Variants in EXOC6B observed in about 807,000 individuals in gnomAD.
The protein encoded by EXOC6B is SEC15 homolog B.
In EXOC6B, 54 loss-of-function variants were observed where a neutral mutation model predicts 113.5. The ratio of observed to expected loss-of-function variants is 0.48; its 90% CI spans 0.38 to 0.60. The LOEUF (loss-of-function observed/expected upper bound fraction) is 0.60, where lower values mean the gene tolerates loss of function less well. Among genes scored for constraint, EXOC6B ranks in the 20% least tolerant of loss-of-function variants. The pLI, the probability that EXOC6B is intolerant of heterozygous loss-of-function variation, is 0.00. For missense variants in EXOC6B, 797 were observed against 977.5 expected (o/e 0.82, Z 2.46); for synonymous variants, 357 against 339.0 (o/e 1.05, Z -0.58).
intron 1 of EXOC6B, among the ~76,000 whole-genome samples, chr2:72,803,550 T>A (rs1040290833): frequency 6.6e-6 from 1 of 151,988 alleles, no homozygotes; most frequent in Non-Finnish European, 1.5e-5. Context: ...GAGAGCAAAT[T>A]AAGAGCTCCT....
At chr2:72,235,914 C>A (rs1245925276) in intron 20 of EXOC6B, among the ~76,000 whole-genome samples, 1 of 152,004 alleles carries the variant, frequency 6.6e-6, no homozygotes, top group African/African-American at 2.4e-5. Context: ...ATTTTGCCCC[C>A]CCTTCAAGGG....
chr2:72,317,001 A>G (rs10173381), intron 20 of EXOC6B, among the ~76,000 whole-genome samples: 55,800 of 152,112 alleles, frequency 0.37, 16,765 homozygotes, highest in African/African-American at 0.83. Flanking sequence ...AGAGTAGTCT[A>G]GGGAAAGCTT....
chr2:72,326,620 C>T (rs371977726), intron 20 of EXOC6B, among the ~76,000 whole-genome samples: 2 of 151,940 alleles, frequency 1.3e-5, no homozygotes, highest in Admixed American at 1.3e-4. Flanking sequence ...GCTGGCACCA[C>T]GTCCACATCA....
intron 6 of EXOC6B, among the ~76,000 whole-genome samples, chr2:72,628,972 A>G (rs567469000): frequency 1.8e-4 from 28 of 152,146 alleles, no homozygotes; most frequent in Non-Finnish European, 3.8e-4. Flanking sequence ...ATGTAATATA[A>G]TATTACCCTC....
intron 6 of EXOC6B, among the ~76,000 whole-genome samples, chr2:72,580,984 A>G (rs1705185892): frequency 6.6e-6 from 1 of 152,086 alleles, no homozygotes; most frequent in Non-Finnish European, 1.5e-5. Context: ...CCTAACTCTT[A>G]CTTCTGTTCC....
chr2:72,722,175 A>C lies in EXOC6B; in HGVS notation c.465-3868T>G, dbSNP rs560146475. On this transcript the variant is annotated intron_variant, in intron 5 of 21. Transcript: ENST00000272427. ...TGAGAAAAATAAATACAAAAATGTT[A>C]GGCATATTTTTCCTTTGGATGGCAA... Among the ~76,000 whole-genome samples the C allele has an allele frequency of 1.1e-4, 16 of 152,226 alleles. No homozygotes were observed. In the East Asian group the frequency reaches 3.1e-3, roughly 29 times the overall value.
intron 18 of EXOC6B, among the ~76,000 whole-genome samples, chr2:72,409,831 A>C (rs1003696794): frequency 6.5e-4 from 99 of 152,268 alleles, no homozygotes; most frequent in African/African-American, 2.2e-3. Flanking sequence ...ACAAACCTGC[A>C]CGTTGTGCAC....
At chr2:72,751,543 G>A (rs1312198357) in intron 1 of EXOC6B, among the ~76,000 whole-genome samples, 4 of 152,012 alleles carry the variant, frequency 2.6e-5, no homozygotes, top group Non-Finnish European at 5.9e-5. Flanking sequence ...CGAGAGGAAG[G>A]GTCCATTGAG....
chr2:72,782,823 C>T (rs1684136995), intron 1 of EXOC6B, among the ~76,000 whole-genome samples: 1 of 152,194 alleles, frequency 6.6e-6, no homozygotes, highest in African/African-American at 2.4e-5. Flanking sequence ...AAATGACATC[C>T]AGTTCCATCC....
chr2:72,182,972 T>G, intron 21 of EXOC6B: 65 of 1,131,870 alleles, frequency 5.7e-5, no homozygotes, highest in South Asian at 9.0e-5. Context: ...CATCAATCTC[T>G]GACGTGGTCA....
intron 18 of EXOC6B, among the ~76,000 whole-genome samples, chr2:72,389,886 T>C (rs554439470): frequency 3.9e-5 from 6 of 152,326 alleles, no homozygotes; most frequent in African/African-American, 1.4e-4. Flanking sequence ...TTTCTTCAAA[T>C]ACTTTACCTA....
intron 20 of EXOC6B, among the ~76,000 whole-genome samples, chr2:72,230,788 T>G (rs1055296693): frequency 6.6e-6 from 1 of 152,110 alleles, no homozygotes; most frequent in African/African-American, 2.4e-5. Flanking sequence ...GTTGTAGGAA[T>G]TAGGATTTGA....
chr2:72,642,804 A>T (rs1400464034), intron 6 of EXOC6B, among the ~76,000 whole-genome samples: 1 of 151,930 alleles, frequency 6.6e-6, no homozygotes, highest in Non-Finnish European at 1.5e-5. Context: ...CAGCAAAAGA[A>T]ACTAACATCA....
chr2:72,707,093 C>T (rs1386533743), intron 6 of EXOC6B, among the ~76,000 whole-genome samples: 3 of 152,190 alleles, frequency 2.0e-5, no homozygotes, highest in Non-Finnish European at 4.4e-5. Context: ...ATACCCCAGA[C>T]GTCTTGGGGA....
chr2:72,199,742 C>G (rs888690912), intron 20 of EXOC6B, among the ~76,000 whole-genome samples: 3 of 152,106 alleles, frequency 2.0e-5, no homozygotes, highest in Non-Finnish European at 4.4e-5. Flanking sequence ...ACAATTTTTG[C>G]CCGAATTCTG....
At chr2:72,587,046 GC>G (rs1705634202) in intron 6 of EXOC6B, among the ~76,000 whole-genome samples, 1 of 152,144 alleles carries the variant, frequency 6.6e-6, no homozygotes. Context: ...ATTTGACCTA[GC>G]AATCCCATTA....
At chr2:72,294,730 G>A (rs11887922) in intron 20 of EXOC6B, among the ~76,000 whole-genome samples, 3,454 of 151,942 alleles carry the variant, frequency 0.023, 127 homozygotes, top group African/African-American at 0.079. Flanking sequence ...TGCTAATAAC[G>A]TAGAATATAT....
chr2:72,589,664 C>T (rs1422442565), intron 6 of EXOC6B, among the ~76,000 whole-genome samples: 2 of 151,940 alleles, frequency 1.3e-5, no homozygotes, highest in African/African-American at 2.4e-5. Flanking sequence ...TTAGTTTTCA[C>T]CTAGCAAAAC....
At chr2:72,182,642 C>A (rs879854281) in intron 21 of EXOC6B, among the ~76,000 whole-genome samples, 1 of 151,918 alleles carries the variant, frequency 6.6e-6, no homozygotes, top group Non-Finnish European at 1.5e-5. Flanking sequence ...AACCCTTTAC[C>A]TGGCACAATG....
Sources: gnomAD v4.1 joint callset for allele counts (sites outside exome capture counted in the v4.1 genomes callset) on GRCh38, gnomAD v4.1.1 for gene constraint, MANE v1.5 for transcripts, NCBI Gene and HGNC (gene_info 2026-07-23, HGNC 2026-07-21) for gene names.